The following ARSH variants were observed in gnomAD, a reference collection of about 807,000 sequenced individuals.
The protein encoded by ARSH is arylsulfatase H.
In ARSH, 32 loss-of-function variants were observed where a neutral mutation model predicts 28.7. The observed-to-expected ratio is 1.11, with a 90% CI of 0.84 to 1.50. ARSH has a LOEUF of 1.50. ARSH is among the 40% of genes most tolerant of loss of function. The pLI is 0.00. For synonymous variants in ARSH, 176 were observed against 177.3 expected (o/e 0.99, Z 0.06); for missense variants, 440 against 452.4 (o/e 0.97, Z 0.25).
chrX:3,021,252 A>G (rs752944177), intron 5 of ARSH, among the ~76,000 whole-genome samples: 1 of 111,490 alleles, frequency 9.0e-6, no homozygotes, highest in East Asian at 2.8e-4. Flanking sequence ...TAAAGTCTAT[A>G]TCTGAGTGTT....
At chrX:3,029,585 C>T (rs1414947291) in intron 8 of ARSH, among the ~76,000 whole-genome samples, 1 of 111,794 alleles carries the variant, frequency 8.9e-6, no homozygotes, top group African/African-American at 3.3e-5. Context: ...GGTTGGAGTA[C>T]AGTGGCGCAA....
chrX:3,033,437 T>G lies in ARSH; in HGVS notation c.*52T>G. The G allele has an allele frequency of 8.9e-7, 1 of 1,121,096 alleles. No individual in the cohort carries two copies. Among genetic ancestry groups the G allele is most frequent in the Non-Finnish European group, 1.2e-6 (1 of 838,967 alleles). The allele number at this position is 1,121,096 out of a possible 1,213,427, so 92.4% of individuals were successfully genotyped here. A position where few individuals can be genotyped will look rare whatever the true frequency, so the allele number is the denominator to read the frequency against. On this transcript the variant is annotated 3_prime_UTR_variant, in exon 9 of 9. Transcript: ENST00000381130. Reference sequence around the variant, plus strand: ...CACAAACTTACTGTTACAATGGTCATAGGAGCAGAGCTCACCTGACTGATT... The same window carrying G: ...CACAAACTTACTGTTACAATGGTCAGAGGAGCAGAGCTCACCTGACTGATT...
In ARSH at chrX:3,018,558, CTT is replaced by C. The variant is rs747035216; in HGVS notation, c.795_796del (p.Ser266LeufsTer19). ...GGTACAAAAGGGAACCTTTTCTCCT[CTT>C]TTTTTCCTTCCTGCACGTACATACT... ...ERYKREPFLL[F>X]FSFLHVHTPL... On this transcript the variant is annotated frameshift_variant, in exon 5 of 9. Transcript: ENST00000381130. LOFTEE classifies it high-confidence loss of function. 2.5e-6 allele frequency: 3 copies of C among 1,208,889 alleles called. No individual in the cohort carries two copies. In the African/African-American group the frequency reaches 5.3e-5, roughly 21 times the overall value.
chrX:3,011,514 G>C (rs1181983472), intron 2 of ARSH, among the ~76,000 whole-genome samples: 2 of 111,789 alleles, frequency 1.8e-5, no homozygotes, highest in Admixed American at 9.6e-5. Flanking sequence ...GCCACCCAAA[G>C]TGTTGGGATT....
Position 3,027,416 on chromosome X carries a change from C to T in ARSH, c.1140C>T (p.Ser380=), listed in dbSNP as rs2089901886. The T allele has an allele frequency of 8.3e-7, 1 of 1,211,488 alleles. No homozygotes were observed. The highest frequency in any genetic ancestry group is 1.1e-6 in the Non-Finnish European group (1 of 895,316). ...EAGRVINEPT[S]LMDIYPTLSY... ...GGAGAGTGATCAATGAGCCCACCAG[C>T]TTAATGGACATCTATCCGACGCTGT... is the stretch of plus-strand genomic sequence containing the variant. Residue 380 remains serine (S), a synonymous_variant, in exon 7 of 9, where the codon AGC becomes AGT. Coordinates refer to ENST00000381130, the MANE Select transcript of ARSH (RefSeq NM_001011719.2).
At chrX:3,013,246 G>A in intron 3 of ARSH, 74 bp downstream of exon 3, 3 of 1,114,113 alleles carry the variant, frequency 2.7e-6, no homozygotes. Context: ...GGTGTTTCCG[G>A]GGATGTTGGC....
chrX:3,011,252 C>CTTTTTTTTT (rs386419239), intron 2 of ARSH, among the ~76,000 whole-genome samples: 1 of 90,940 alleles, frequency 1.1e-5, no homozygotes, highest in Non-Finnish European at 2.1e-5. Context: ...TTCTTTCTTT[C>CTTTTTTTTT]TTTTTTTTTT....
At position 3,029,288 on chromosome X, in the gene ARSH, G is replaced by A; in HGVS notation, c.1241G>A (p.Arg414Lys). Reference sequence around the variant, plus strand: ...AACCTAATGCCCCTGCTGGAAGGAAGGGCGTCCCACTCCGACCACGAGTTC... The same window carrying A: ...AACCTAATGCCCCTGCTGGAAGGAAAGGCGTCCCACTCCGACCACGAGTTC... Reference protein sequence around the residue: ...GQNLMPLLEGRASHSDHEFLF... With the variant: ...GQNLMPLLEGKASHSDHEFLF... Residue 414 changes from arginine (R) to lysine (K), a missense_variant, in exon 8 of 9, where the codon AGG becomes AAG. Coordinates refer to ENST00000381130, the MANE Select transcript of ARSH (RefSeq NM_001011719.2). The A allele has an allele frequency of 8.3e-7, 1 of 1,210,567 alleles. No homozygotes were observed. Among genetic ancestry groups the A allele is most frequent in the Non-Finnish European group, 1.1e-6 (1 of 895,047 alleles).
At chrX:3,012,566 A>AAAAAT (rs2089851013) in intron 2 of ARSH, among the ~76,000 whole-genome samples, 2 of 19,457 alleles carry the variant, frequency 1.0e-4, no homozygotes, top group African/African-American at 3.2e-4. Flanking sequence ...AAAAAAAAAA[A>AAAAAT]AAATATATAT....
rs190179329 is a variant in ARSH, at chrX:3,033,962, G to A, written c.*577G>A. 1.8e-3 allele frequency among the ~76,000 whole-genome samples: 205 copies of A among 111,601 alleles called. 2 individuals carry two copies. The highest frequency in any genetic ancestry group is 6.0e-3 in the African/African-American group (186 of 30,770). The stretch of plus-strand genomic sequence containing the variant: ...TTTGCTTCCTCGTAGCTATATCATC[G>A]TGGAAATGTCTCTGTGATTTGGTTT... On this transcript the variant is annotated 3_prime_UTR_variant, in exon 9 of 9. Transcript: ENST00000381130.
chrX:3,023,341 T>C (rs5939152), intron 5 of ARSH, among the ~76,000 whole-genome samples: 17,204 of 104,799 alleles, frequency 0.16, 1,457 homozygotes, highest in Non-Finnish European at 0.24. Flanking sequence ...ATATTATACA[T>C]TTATTACATA....
At chrX:3,013,795 C>T (rs138338944) in intron 3 of ARSH, among the ~76,000 whole-genome samples, 3,984 of 110,627 alleles carry the variant, frequency 0.036, 174 homozygotes, top group African/African-American at 0.12. Context: ...CGAGATATCC[C>T]CAGTTAAAAA....
chrX:3,018,017 T>A (rs139310201), intron 4 of ARSH, among the ~76,000 whole-genome samples: 3,966 of 112,155 alleles, frequency 0.035, 170 homozygotes, highest in African/African-American at 0.12. Flanking sequence ...TTGTTGTTGT[T>A]AAGACAGGGT....
intron 1 of ARSH, among the ~76,000 whole-genome samples, chrX:3,007,091 A>T (rs1020999435): frequency 2.8e-5 from 3 of 109,085 alleles, no homozygotes; most frequent in African/African-American, 1.0e-4. Flanking sequence ...AAATAATAAA[A>T]AAAAAAATCT....
At chrX:3,030,038 T>C (rs2089909742) in intron 8 of ARSH, among the ~76,000 whole-genome samples, 2 of 111,218 alleles carry the variant, frequency 1.8e-5, no homozygotes, top group Admixed American at 1.9e-4. Context: ...GCATTTTAAC[T>C]TAGGGAGGTG....
intron 4 of ARSH, among the ~76,000 whole-genome samples, chrX:3,017,632 A>T (rs994373353): frequency 1.8e-5 from 2 of 112,040 alleles, no homozygotes; most frequent in African/African-American, 6.5e-5. Context: ...CTCTTGGGGT[A>T]GGCAGGCTAC....
At chrX:3,019,775 T>TTATA (rs1436716007) in intron 5 of ARSH, among the ~76,000 whole-genome samples, 15 of 111,390 alleles carry the variant, frequency 1.3e-4, no homozygotes, top group African/African-American at 4.6e-4. Flanking sequence ...TCACATTTTA[T>TTATA]TATAAATAAC....
chrX:3,016,464 G>A (rs1770710030), intron 4 of ARSH, among the ~76,000 whole-genome samples: 1 of 111,411 alleles, frequency 9.0e-6, no homozygotes, highest in African/African-American at 3.3e-5. Flanking sequence ...TTGGATAGTG[G>A]CTCTGTATTT....
chrX:3,034,099 T>A lies in ARSH; in HGVS notation c.*714T>A, dbSNP rs1033271211. 4.5e-5 allele frequency among the ~76,000 whole-genome samples: 5 copies of A among 112,329 alleles called. No individual in the cohort carries two copies. Among genetic ancestry groups the A allele is most frequent in the African/African-American group, 1.6e-4 (5 of 31,026 alleles). ...GTGTAGAATAAGCAGTCAATAAATG[T>A]TATTATTACAAATGTTGTTGTAAGC... is the stretch of plus-strand genomic sequence containing the variant. On this transcript the variant is annotated 3_prime_UTR_variant, in exon 9 of 9. Coordinates refer to ENST00000381130, the MANE Select transcript of ARSH (RefSeq NM_001011719.2).
Sources: allele counts gnomAD v4.1 joint callset (sites outside exome capture counted in the v4.1 genomes callset), GRCh38; gene constraint gnomAD v4.1.1; transcripts MANE v1.5; gene names NCBI Gene and HGNC (gene_info 2026-07-23, HGNC 2026-07-21).